The following USP6 variants were observed in gnomAD, a reference collection of about 807,000 sequenced individuals.
USP6 encodes ubiquitin carboxyl-terminal hydrolase 6.
Under a neutral mutation model 175.7 loss-of-function variants are expected in USP6, and 128 were observed. That is an observed-to-expected ratio of 0.73 (90% CI 0.63 to 0.84). The LOEUF is 0.84. USP6 is among the 40% of genes least tolerant of loss of function. The probability of loss-of-function intolerance (pLI) is 0.00; values close to 1 mark genes in which losing one functional copy is unlikely to be tolerated. For missense variants in USP6, 1,498 were observed against 1,760.3 expected (o/e 0.85, Z 2.67); for synonymous variants, 562 against 630.6 (o/e 0.89, Z 1.63).
At position 5,129,968 on chromosome 17, in the gene USP6, C is replaced by T. The variant is rs559313248; in HGVS notation, c.-123C>T. 2 of 248,932 alleles carry T rather than the reference C, an allele frequency of 8.0e-6. No individual in the cohort carries two copies. Among genetic ancestry groups the T allele is most frequent in the South Asian group, 5.8e-5 (1 of 17,340 alleles). The allele number at this position is 248,932 out of a possible 1,614,324, so 15.4% of individuals were successfully genotyped here. A position where few individuals can be genotyped will look rare whatever the true frequency, so the allele number is the denominator to read the frequency against. ...GGCATCTCTGTGGCCCTGAACATCCCAGGAGGCCGATCGTACAGAGACCTC... is the reference window on the plus strand; with the variant it reads ...GGCATCTCTGTGGCCCTGAACATCCTAGGAGGCCGATCGTACAGAGACCTC... On this transcript the variant is annotated 5_prime_UTR_variant, in exon 9 of 38. Coordinates refer to ENST00000574788, the MANE Select transcript of USP6 (RefSeq NM_001304284.2).
At chr17:5,122,698 G>T (rs1209921745) in intron 4 of USP6, among the ~76,000 whole-genome samples, 1 of 152,204 alleles carries the variant, frequency 6.6e-6, no homozygotes, top group Non-Finnish European at 1.5e-5. Flanking sequence ...AGCTGCCCGC[G>T]CCTAAGCTCC....
intron 25 of USP6, among the ~76,000 whole-genome samples, chr17:5,143,599 C>G (rs544949332): frequency 6.6e-6 from 1 of 151,892 alleles, no homozygotes; most frequent in East Asian, 1.9e-4. Context: ...TCTCAAGTAC[C>G]CAGGGACACA....
intron 11 of USP6, among the ~76,000 whole-genome samples, chr17:5,131,463 A>C (rs1217022206): frequency 6.7e-6 from 1 of 149,984 alleles, no homozygotes; most frequent in Non-Finnish European, 1.5e-5. Context: ...AGGGAGAGGC[A>C]GGTGGATGCT....
chr17:5,171,688 T>A lies in USP6; in HGVS notation c.4047+9T>A. 6.2e-7 allele frequency: 1 copy of A among 1,612,346 alleles called. No individual in the cohort carries two copies. The highest frequency in any genetic ancestry group is 8.5e-7 in the Non-Finnish European group (1 of 1,179,038). On this transcript the variant is annotated intron_variant, in intron 37 of 37. Coordinates refer to ENST00000574788, the MANE Select transcript of USP6 (RefSeq NM_001304284.2). ...ATGACAGCAGCTGTGAGGTAAACAT[T>A]CTCAATCTTTGAATGAAAGTTAGAA... is the stretch of plus-strand genomic sequence containing the variant.
chr17:5,126,439 T>C (rs2072897005), intron 6 of USP6, among the ~76,000 whole-genome samples: 1 of 152,126 alleles, frequency 6.6e-6, no homozygotes, highest in African/African-American at 2.4e-5. Flanking sequence ...GAGAAGGGAT[T>C]CTCAGGGCTC....
At chr17:5,139,870 T>A (rs1486784428) in intron 22 of USP6, among the ~76,000 whole-genome samples, 196 bp downstream of exon 22, 1 of 152,188 alleles carries the variant, frequency 6.6e-6, no homozygotes, top group Non-Finnish European at 1.5e-5. Context: ...TCTAGAAGCA[T>A]CTGGGCCAGG....
intron 30 of USP6, 86 bp from the exon 31 acceptor site, chr17:5,155,336 T>C: frequency 7.0e-7 from 1 of 1,432,598 alleles, no homozygotes; most frequent in South Asian, 1.2e-5. Context: ...ATGGTGATAA[T>C]GCCTATCATT....
chr17:5,169,107 CAT>C (rs1268100104), intron 35 of USP6, 52 bp downstream of exon 35: 2 of 1,500,486 alleles, frequency 1.3e-6, no homozygotes, highest in Non-Finnish European at 1.8e-6. Context: ...CTGTAGGCTA[CAT>C]ATGTTTCTCT....
chr17:5,123,394 G>A (rs1334469715), intron 4 of USP6, among the ~76,000 whole-genome samples: 2 of 151,794 alleles, frequency 1.3e-5, no homozygotes, highest in Non-Finnish European at 2.9e-5. Context: ...CCGGCGTGGC[G>A]TGGCGTGGCG....
intron 19 of USP6, 41 bp from the exon 20 acceptor site, chr17:5,137,610 C>G (rs368650982): frequency 1.4e-4 from 220 of 1,585,236 alleles, no homozygotes; most frequent in Non-Finnish European, 1.7e-4. Flanking sequence ...CCAGCCCCAG[C>G]CTGGAAGGGC....
At chr17:5,162,468 T>C (rs887834506) in intron 32 of USP6, among the ~76,000 whole-genome samples, 2 of 152,196 alleles carry the variant, frequency 1.3e-5, no homozygotes, top group Non-Finnish European at 2.9e-5. Context: ...TTTATATGCA[T>C]TTATTTAATC....
chr17:5,138,425 C>T, intron 21 of USP6, 152 bp downstream of exon 21: 1 of 1,450,760 alleles, frequency 6.9e-7, no homozygotes, highest in Non-Finnish European at 9.3e-7. Context: ...TACAGGAGGC[C>T]CACCGGTCCT....
At chr17:5,145,893 C>T in intron 27 of USP6, 130 bp from the exon 28 acceptor site, 1 of 1,291,278 alleles carries the variant, frequency 7.7e-7, no homozygotes, top group African/African-American at 1.5e-5. Context: ...TTAGTGTTTA[C>T]CCATAAAATA....
In USP6 at chr17:5,173,497, T is replaced by C. The variant is rs1287983746; in HGVS notation, c.*519T>C. 1 of 220,288 alleles carries C rather than the reference T, an allele frequency of 4.5e-6. No individual in the cohort carries two copies. The highest frequency in any genetic ancestry group is 5.8e-5 in the Admixed American group (1 of 17,314). The allele number at this position is 220,288 out of a possible 1,614,324, so 13.6% of individuals were successfully genotyped here. A position where few individuals can be genotyped will look rare whatever the true frequency, so the allele number is the denominator to read the frequency against. On this transcript the variant is annotated 3_prime_UTR_variant, in exon 38 of 38. Transcript: ENST00000574788. ...TACGGCATGGACAAGGATTTTTCAA[T>C]TTATTTTTTAAACTGTTTCCATACC...
Position 5,173,032 on chromosome 17 carries a change from A to T in USP6, c.*54A>T. ...GGTGGCGAGGGAGATGACTCCTTGT[A>T]GCTGATACTTGGCAAAAGTGTCACT... On this transcript the variant is annotated 3_prime_UTR_variant, in exon 38 of 38. Coordinates refer to ENST00000574788, the MANE Select transcript of USP6 (RefSeq NM_001304284.2). The T allele has an allele frequency of 6.3e-7, 1 of 1,582,214 alleles. No homozygotes were observed. Among genetic ancestry groups the T allele is most frequent in the South Asian group, 1.1e-5 (1 of 87,462 alleles).
chr17:5,122,461 T>C (rs1366032753), intron 4 of USP6, among the ~76,000 whole-genome samples: 1 of 152,148 alleles, frequency 6.6e-6, no homozygotes, highest in East Asian at 1.9e-4. Flanking sequence ...AGCTTTTTGC[T>C]CCCCGAAAAG....
At chr17:5,135,965 A>C (rs752651819) in intron 17 of USP6, 37 bp downstream of exon 17, 2 of 1,597,178 alleles carry the variant, frequency 1.3e-6, no homozygotes, top group African/African-American at 2.7e-5. Flanking sequence ...TCACGCAGCC[A>C]GACCCGGGAA....
intron 8 of USP6, chr17:5,129,493 C>G (rs1164405227): frequency 6.6e-6 from 1 of 152,656 alleles, no homozygotes; most frequent in Non-Finnish European, 1.5e-5. Flanking sequence ...AGTGAAGGAG[C>G]CCTGGAGAGC....
intron 31 of USP6, among the ~76,000 whole-genome samples, chr17:5,160,273 T>G (rs1212984113): frequency 1.3e-5 from 2 of 152,166 alleles, no homozygotes; most frequent in Non-Finnish European, 2.9e-5. Context: ...TTACAGTGAC[T>G]CTTTATCATG....
Sources: gnomAD v4.1 joint callset for allele counts (sites outside exome capture counted in the v4.1 genomes callset) on GRCh38, gnomAD v4.1.1 for gene constraint, MANE v1.5 for transcripts, NCBI Gene and HGNC (gene_info 2026-07-23, HGNC 2026-07-21) for gene names.